PARPBP: variants seen among roughly 807,000 people sequenced by gnomAD.
PARPBP encodes PARP1 binding protein.
PARPBP carries 52 observed loss-of-function variants against 50.0 expected under a neutral mutation model. That is an observed-to-expected ratio of 1.04 (90% CI 0.83 to 1.31). PARPBP has a LOEUF of 1.31. Ranked by LOEUF, PARPBP falls within the 50% of genes most tolerant of loss-of-function variation. The pLI is 0.00. For missense variants in PARPBP, 697 were observed against 672.0 expected, an observed-to-expected ratio of 1.04 and a Z score of -0.41; for synonymous variants, 244 against 232.1, an observed-to-expected ratio of 1.05 and a Z score of -0.47.
intron 9 of PARPBP, among the ~76,000 whole-genome samples, chr12:102,183,615 A>G (rs1425072045): frequency 6.6e-6 from 1 of 152,186 alleles, no homozygotes; most frequent in African/African-American, 2.4e-5. Flanking sequence ...TTTGCAATCA[A>G]GGGATAAGAT....
At chr12:102,156,394 C>G (rs897565169) in intron 4 of PARPBP, among the ~76,000 whole-genome samples, 7 of 150,866 alleles carry the variant, frequency 4.6e-5, no homozygotes, top group Non-Finnish European at 5.9e-5. Context: ...GGGTTTCACC[C>G]TGTTAGCCAG....
At chr12:102,148,175 T>G in intron 2 of PARPBP, 55 bp from the exon 3 acceptor site, 1 of 697,868 alleles carries the variant, frequency 1.4e-6, no homozygotes, top group South Asian at 2.1e-5. Flanking sequence ...TATAAGTTAT[T>G]GAATATTCTG....
At chr12:102,169,206 A>C (rs933606451) in intron 6 of PARPBP, among the ~76,000 whole-genome samples, 13 of 152,106 alleles carry the variant, frequency 8.5e-5, no homozygotes, top group African/African-American at 2.4e-4. Flanking sequence ...TGAGTCTTCA[A>C]ATTTAGTCAT....
intron 2 of PARPBP, among the ~76,000 whole-genome samples, chr12:102,142,068 T>C (rs144095665): frequency 0.036 from 5,527 of 152,302 alleles, 347 homozygotes; most frequent in African/African-American, 0.13. Flanking sequence ...CTGGATAATA[T>C]CCTGCAGAGT....
intron 4 of PARPBP, among the ~76,000 whole-genome samples, chr12:102,156,210 G>A (rs564275297): frequency 5.5e-5 from 5 of 90,566 alleles, no homozygotes; most frequent in East Asian, 6.8e-4. Flanking sequence ...TTTTTGAGAC[G>A]GTGTCTCCTT....
chr12:102,184,006 C>G (rs1202979919), intron 9 of PARPBP, among the ~76,000 whole-genome samples: 2 of 133,606 alleles, frequency 1.5e-5, no homozygotes, highest in Non-Finnish European at 1.5e-5. Flanking sequence ...GAGATCACAC[C>G]ACTTCATTCT....
At chr12:102,125,055 A>G (rs974370466) in intron 2 of PARPBP, among the ~76,000 whole-genome samples, 1 of 152,352 alleles carries the variant, frequency 6.6e-6, no homozygotes, top group Non-Finnish European at 1.5e-5. Context: ...AGTTTTGCAT[A>G]TTTTAAACAA....
chr12:102,155,671 C>A (rs74749341), intron 4 of PARPBP, among the ~76,000 whole-genome samples: 1 of 150,628 alleles, frequency 6.6e-6, no homozygotes. Flanking sequence ...CTTTGGGTCC[C>A]CTCCCATTTT....
At chr12:102,148,694 C>G in intron 3 of PARPBP, 1 of 334,600 alleles carries the variant, frequency 3.0e-6, no homozygotes, top group East Asian at 4.4e-5. Flanking sequence ...CGGATAGCTT[C>G]TTATTAGATC....
At chr12:102,121,604 A>C (rs925150031) in intron 1 of PARPBP, among the ~76,000 whole-genome samples, 1 of 123,022 alleles carries the variant, frequency 8.1e-6, no homozygotes, top group African/African-American at 3.2e-5. Context: ...CCTAGGCTGG[A>C]GTGCAGTAGT....
chr12:102,192,438 A>G (rs1490585786), intron 9 of PARPBP, among the ~76,000 whole-genome samples: 2 of 152,082 alleles, frequency 1.3e-5, no homozygotes, highest in Non-Finnish European at 2.9e-5. Flanking sequence ...CTGACTGCAA[A>G]TCTGATGCTT....
rs1891393590 is a variant in PARPBP, at chr12:102,197,243, T to C, written c.*952T>C. ...GGAACTATAATACAATTGTATAATA[T>C]TCTTGTTGATCAATTCAAAGTTACT... On this transcript the variant is annotated 3_prime_UTR_variant, in exon 11 of 11. Transcript: ENST00000327680. 6 of 1,193,752 alleles carry C rather than the reference T, an allele frequency of 5.0e-6. No homozygotes were observed. Among genetic ancestry groups the C allele is most frequent in the Non-Finnish European group, 7.2e-6 (6 of 831,834 alleles). The allele number at this position is 1,193,752 out of a possible 1,614,324, so 73.9% of individuals were successfully genotyped here.
chr12:102,123,498 G>GTT (rs71737241), intron 1 of PARPBP, among the ~76,000 whole-genome samples: 2 of 135,386 alleles, frequency 1.5e-5, no homozygotes, highest in Admixed American at 7.4e-5. Context: ...GGCTTTTTAG[G>GTT]TTTTTTTTTT....
intron 8 of PARPBP, among the ~76,000 whole-genome samples, chr12:102,181,904 G>T (rs141600156): frequency 6.6e-6 from 1 of 152,110 alleles, no homozygotes; most frequent in Non-Finnish European, 1.5e-5. Context: ...GGGTTTTCAC[G>T]TGGCTGGGAA....
chr12:102,138,875 G>C (rs1461678379), intron 2 of PARPBP, among the ~76,000 whole-genome samples: 1 of 152,174 alleles, frequency 6.6e-6, no homozygotes, highest in East Asian at 1.9e-4. Flanking sequence ...CTACCATGCT[G>C]TTTTGGTTAC....
intron 6 of PARPBP, among the ~76,000 whole-genome samples, chr12:102,173,337 A>G (rs549008626): frequency 1.3e-5 from 2 of 152,330 alleles, no homozygotes; most frequent in South Asian, 4.1e-4. Context: ...GAATAAGACA[A>G]GAGTTCCTGC....
chr12:102,130,871 TA>T (rs141762828), intron 2 of PARPBP, among the ~76,000 whole-genome samples: 4 of 143,656 alleles, frequency 2.8e-5, no homozygotes, highest in African/African-American at 7.7e-5. Context: ...AAAAAAAACC[TA>T]AAAAAAAGAA....
At chr12:102,163,748 C>T (rs1887842027) in intron 4 of PARPBP, among the ~76,000 whole-genome samples, 1 of 152,134 alleles carries the variant, frequency 6.6e-6, no homozygotes, top group African/African-American at 2.4e-5. Context: ...TTTTGTTTTA[C>T]TTATTGTACT....
At position 102,165,777 on chromosome 12, in the gene PARPBP, G is replaced by GCAC; in HGVS notation, c.724_726dup (p.Pro242dup). 6.8e-6 allele frequency: 11 copies of GCAC among 1,607,988 alleles called. No homozygotes were observed. Among genetic ancestry groups the GCAC allele is most frequent in the Non-Finnish European group, 9.4e-6 (11 of 1,175,090 alleles). On this transcript the variant is annotated inframe_insertion, in exon 6 of 11. Transcript: ENST00000327680. ...AATAGAGCTTGGAGGGAAAGGATAT[G>GCAC]CACCACCACCATCAGATCCTTTAAG...
Sources: gnomAD v4.1 joint callset for allele counts (sites outside exome capture counted in the v4.1 genomes callset) on GRCh38, gnomAD v4.1.1 for gene constraint, MANE v1.5 for transcripts, NCBI Gene and HGNC (gene_info 2026-07-23, HGNC 2026-07-21) for gene names.